Variants in INPP5A observed in about 807,000 individuals in gnomAD.
The protein encoded by INPP5A is 43 kDa inositol polyphosphate 5-phophatase.
In INPP5A, 14 loss-of-function variants were observed where a neutral mutation model predicts 65.2. The observed-to-expected ratio is 0.21, with a 90% confidence interval of 0.14 to 0.34. The LOEUF (loss-of-function observed/expected upper bound fraction) is 0.34, where lower values mean the gene tolerates loss of function less well. Among genes scored for constraint, INPP5A ranks in the 10% least tolerant of loss-of-function variants. INPP5A has a pLI of 1.00. For synonymous variants in INPP5A, 207 were observed against 208.3 expected (o/e 0.99, Z 0.05); for missense variants, 431 against 545.6 (o/e 0.79, Z 2.09).
intron 4 of INPP5A, among the ~76,000 whole-genome samples, chr10:132,671,567 C>A (rs1468177121): frequency 6.6e-6 from 1 of 152,224 alleles, no homozygotes; most frequent in Non-Finnish European, 1.5e-5. Context: ...TCCTGCCATG[C>A]CTGTTGATCC....
chr10:132,625,838 TTCTGTG>T (rs1216802868), intron 2 of INPP5A, among the ~76,000 whole-genome samples: 6 of 107,368 alleles, frequency 5.6e-5, no homozygotes, highest in Non-Finnish European at 9.3e-5. Context: ...CTGGCAGGAC[TTCTGTG>T]TGTGTGTGTG....
chr10:132,638,663 G>GTGATTCTCCTGTGATTCTCCTGCCT (rs1447579187), intron 2 of INPP5A, among the ~76,000 whole-genome samples: 18 of 152,188 alleles, frequency 1.2e-4, no homozygotes, highest in Admixed American at 3.9e-4. Flanking sequence ...TGCCTCTTGG[G>GTGATTCTCCTGTGATTCTCCTGCCT]CTTATGTGAT....
rs2071033967 is a variant in INPP5A at position 132,550,337 on chromosome 10, T to C, written c.75+12166T>C. ...GGCCTCTGGCCAGTAGTCCCTGTCC[T>C]CTCCAGCGACCGCTCTCTCCTGGGT... On this transcript the variant is annotated intron_variant, in intron 1 of 15. Coordinates refer to ENST00000368594, the MANE Select transcript of INPP5A (RefSeq NM_005539.5). The surrounding 1 kb of genome is among the most constrained non-coding windows in gnomAD (Gnocchi z 4.2). 6.6e-6 allele frequency among the ~76,000 whole-genome samples: 1 copy of C among 152,180 alleles called. No individual in the cohort carries two copies. The highest frequency in any genetic ancestry group is 1.5e-5 in the Non-Finnish European group (1 of 68,024).
rs1368065098 is a variant in INPP5A, at chr10:132,706,653, G to A, written c.475-1660G>A. 6.6e-6 allele frequency among the ~76,000 whole-genome samples: 1 copy of A among 152,198 alleles called. No homozygotes were observed. The highest frequency in any genetic ancestry group is 2.4e-5 in the African/African-American group (1 of 41,458). ...AATTTCCCTTCTTGAGCATGAGTGG[G>A]AGCACTTAGGGAGGGGGCAGGGAGC... On this transcript the variant is annotated intron_variant, in intron 6 of 15. Coordinates refer to ENST00000368594, the MANE Select transcript of INPP5A (RefSeq NM_005539.5). The surrounding 1 kb of genome is among the most constrained non-coding windows in gnomAD (Gnocchi z 4.7).
chr10:132,701,681 G>A (rs1845439828), intron 6 of INPP5A, among the ~76,000 whole-genome samples: 1 of 152,194 alleles, frequency 6.6e-6, no homozygotes, highest in African/African-American at 2.4e-5. Flanking sequence ...GTGCGCCCGT[G>A]GGGGCGTGGC....
At chr10:132,768,434 T>C (rs1846891748) in intron 12 of INPP5A, among the ~76,000 whole-genome samples, 1 of 152,212 alleles carries the variant, frequency 6.6e-6, no homozygotes, top group Admixed American at 6.5e-5. Flanking sequence ...TGTTCCCAGG[T>C]GCTCACACAG....
At chr10:132,732,390 A>G (rs1846102503) in intron 9 of INPP5A, among the ~76,000 whole-genome samples, 1 of 152,244 alleles carries the variant, frequency 6.6e-6, no homozygotes, top group African/African-American at 2.4e-5. Flanking sequence ...TTTTGCACAC[A>G]GTTTACTATG....
Position 132,762,575 on chromosome 10 carries a change from G to T in INPP5A, c.904-3198G>T, listed in dbSNP as rs988723806. 6.6e-6 allele frequency among the ~76,000 whole-genome samples: 1 copy of T among 152,178 alleles called. No individual in the cohort carries two copies. The highest frequency in any genetic ancestry group is 1.5e-5 in the Non-Finnish European group (1 of 68,042). ...TGGAGAGACACAGCCCCACCAGCAG[G>T]TCCCACAGAGAACCAGGAGTAGCTG... On this transcript the variant is annotated intron_variant, in intron 11 of 15. Transcript: ENST00000368594. This position sits in a 1 kb window ranked among gnomAD's most constrained non-coding sequence, Gnocchi z 4.6.
chr10:132,612,706 G>A (rs900341828), intron 2 of INPP5A, among the ~76,000 whole-genome samples: 3 of 152,226 alleles, frequency 2.0e-5, no homozygotes, highest in African/African-American at 4.8e-5. Context: ...GCTGTGAGGG[G>A]CTGGGCTGTG....
intron 1 of INPP5A, among the ~76,000 whole-genome samples, chr10:132,571,592 C>T (rs927450332): frequency 6.6e-6 from 1 of 152,198 alleles, no homozygotes; most frequent in Non-Finnish European, 1.5e-5. Flanking sequence ...CTTTATGTGC[C>T]AGATAGTGCT....
At chr10:132,579,253 G>A (rs1036426694) in intron 1 of INPP5A, among the ~76,000 whole-genome samples, 4 of 152,072 alleles carry the variant, frequency 2.6e-5, no homozygotes, top group African/African-American at 7.2e-5. Context: ...AGGGGACCGC[G>A]GGGCGGGGTG....
In INPP5A at chr10:132,538,508, T is replaced by A. The variant is rs747630850; in HGVS notation, c.75+337T>A. Among the ~76,000 whole-genome samples the A allele has an allele frequency of 1.3e-5, 2 of 152,132 alleles. No individual in the cohort carries two copies. The highest frequency in any genetic ancestry group is 4.8e-5 in the African/African-American group (2 of 41,436). ...CCTCGAAACTCCAATATTAAAACCC[T>A]GTCAGAACCCCTGTTAACAGTTCCT... On this transcript the variant is annotated intron_variant, in intron 1 of 15. Transcript: ENST00000368594. This position sits in a 1 kb window ranked among gnomAD's most constrained non-coding sequence, Gnocchi z 4.1.
intron 1 of INPP5A, among the ~76,000 whole-genome samples, chr10:132,565,737 G>T (rs141586661): frequency 2.3e-4 from 35 of 152,014 alleles, no homozygotes; most frequent in African/African-American, 8.0e-4. Context: ...GTGTGTGTGT[G>T]TGTGCGCCGT....
chr10:132,780,860 G>T lies in INPP5A; in HGVS notation c.1101G>T (p.Glu367Asp). ...TTTCCCCTTTCCAGTCGGAGAGCGA[G>T]GAGAAGGTTGTCACCTATGACCACA... ...AKELVLRSESEEKVVTYDHIG... is the reference protein window; with the variant it reads ...AKELVLRSESDEKVVTYDHIG... The change falls in exon 14 of 16, where the codon GAG becomes GAT. Residue 367 changes from glutamate (E) to aspartate (D), a missense_variant. Coordinates refer to ENST00000368594, the MANE Select transcript of INPP5A (RefSeq NM_005539.5). The T allele has an allele frequency of 6.2e-7, 1 of 1,613,334 alleles. No individual in the cohort carries two copies. Among genetic ancestry groups the T allele is most frequent in the South Asian group, 1.1e-5 (1 of 91,074 alleles).
chr10:132,633,541 T>C (rs2072301272), intron 2 of INPP5A, among the ~76,000 whole-genome samples: 1 of 152,138 alleles, frequency 6.6e-6, no homozygotes, highest in Non-Finnish European at 1.5e-5. Context: ...CCGCACCTCC[T>C]CCAGAGCTGG....
chr10:132,562,870 C>T (rs866110668), intron 1 of INPP5A, among the ~76,000 whole-genome samples: 5 of 152,190 alleles, frequency 3.3e-5, no homozygotes, highest in African/African-American at 7.2e-5. Flanking sequence ...GTCGCAGGCT[C>T]GGGGCGGTGG....
chr10:132,709,638 C>T (rs528222787), intron 7 of INPP5A, among the ~76,000 whole-genome samples: 3 of 152,196 alleles, frequency 2.0e-5, no homozygotes, highest in Non-Finnish European at 4.4e-5. Context: ...CGCCTGCACG[C>T]ACTCATTCCT....
At chr10:132,670,390 C>G (rs1322284414) in intron 4 of INPP5A, among the ~76,000 whole-genome samples, 1 of 82,520 alleles carries the variant, frequency 1.2e-5, no homozygotes, top group African/African-American at 4.7e-5. Context: ...CCCCCTGACC[C>G]TACATCCTCT....
chr10:132,585,597 T>C (rs2071536058), intron 1 of INPP5A, among the ~76,000 whole-genome samples: 1 of 152,152 alleles, frequency 6.6e-6, no homozygotes, highest in Non-Finnish European at 1.5e-5. Context: ...GGGGGATGCC[T>C]GTGTGCTGGA....
Sources: gnomAD v4.1 joint callset for allele counts (sites outside exome capture counted in the v4.1 genomes callset) on GRCh38, gnomAD v4.1.1 for gene constraint, Gnocchi (gnomAD v3.1) non-coding constraint, MANE v1.5 for transcripts, NCBI Gene and HGNC (gene_info 2026-07-23, HGNC 2026-07-21) for gene names.